NLRP9: variants seen among roughly 807,000 people sequenced by gnomAD.
NLRP9 encodes the protein NACHT, LRR and PYD domains-containing protein 9.
In NLRP9, 88 loss-of-function variants were observed where a neutral mutation model predicts 83.1. The ratio of observed to expected loss-of-function variants is 1.06; its 90% CI spans 0.89 to 1.26. The LOEUF (loss-of-function observed/expected upper bound fraction) is 1.26. NLRP9 is among the 50% of genes most tolerant of loss of function. NLRP9 has a pLI of 0.00. For synonymous variants in NLRP9, 521 were observed against 447.6 expected, an observed-to-expected ratio of 1.16 and a Z score of -2.07; for missense variants, 1,308 against 1,179.3, an observed-to-expected ratio of 1.11 and a Z score of -1.60.
chr19:55,723,699 G>C (rs1005616716), intron 4 of NLRP9, among the ~76,000 whole-genome samples: 2 of 140,546 alleles, frequency 1.4e-5, no homozygotes, highest in Admixed American at 1.5e-4. Flanking sequence ...TTGCACTCCA[G>C]CCTGGGCAAC....
intron 8 of NLRP9, chr19:55,711,421 A>G (rs1350003205): frequency 7.7e-7 from 1 of 1,295,742 alleles, no homozygotes; most frequent in Non-Finnish European, 1.0e-6. Context: ...ACCTTAGCCC[A>G]TTCCAGAAGC....
Position 55,729,819 on chromosome 19 carries a change from C to G in NLRP9, c.1994+12G>C. On this transcript the variant is annotated intron_variant, in intron 3 of 8. Transcript: ENST00000332836. The stretch of plus-strand genomic sequence containing the variant: ...GCCATTTGCTTAAAGGACAGGTTAA[C>G]ATAAAACTTACATGAGTTTTCGGAG... The G allele has an allele frequency of 3.7e-6, 6 of 1,606,876 alleles. No individual in the cohort carries two copies. Among genetic ancestry groups the G allele is most frequent in the Non-Finnish European group, 5.1e-6 (6 of 1,176,628 alleles).
intron 4 of NLRP9, among the ~76,000 whole-genome samples, chr19:55,720,709 A>G (rs1162893097): frequency 6.6e-6 from 1 of 152,228 alleles, no homozygotes; most frequent in Non-Finnish European, 1.5e-5. Context: ...CTCTTAATTC[A>G]AAGATGATAT....
At chr19:55,716,626 T>C in intron 5 of NLRP9, 102 bp downstream of exon 5, 1 of 941,096 alleles carries the variant, frequency 1.1e-6, no homozygotes, top group East Asian at 2.4e-5. Context: ...GGATTCCGCA[T>C]TCTGCTGCAC....
At chr19:55,731,082 A>C (rs1235898001) in intron 2 of NLRP9, among the ~76,000 whole-genome samples, 2 of 152,194 alleles carry the variant, frequency 1.3e-5, no homozygotes, top group African/African-American at 4.8e-5. Flanking sequence ...TTGTTCTGTG[A>C]ACAAGGGTTA....
chr19:55,727,610 GA>G (rs200401903), intron 3 of NLRP9, among the ~76,000 whole-genome samples: 1 of 151,560 alleles, frequency 6.6e-6, no homozygotes, highest in Non-Finnish European at 1.5e-5. Flanking sequence ...ACATTTTCCA[GA>G]AAAAAAACAG....
chr19:55,730,865 G>A (rs760350779), intron 2 of NLRP9, among the ~76,000 whole-genome samples: 12 of 152,014 alleles, frequency 7.9e-5, no homozygotes, highest in Non-Finnish European at 1.3e-4. Context: ...CATGACACAC[G>A]CTTACCTATG....
Position 55,733,271 on chromosome 19 carries a change from A to AC in NLRP9, c.559dup (p.Val187GlyfsTer3). 1 of 1,614,116 alleles carries AC rather than the reference A, an allele frequency of 6.2e-7. No individual in the cohort carries two copies. The highest frequency in any genetic ancestry group is 1.3e-5 in the African/African-American group (1 of 75,054). On this transcript the variant is annotated frameshift_variant, in exon 2 of 9. Transcript: ENST00000332836. LOFTEE classifies it high-confidence loss of function. Reference sequence around the variant, plus strand: ...CTCTGCGATACCGTTCATTTCACAGACATTGAGGAAAAACACAAATGTGAA... The same window carrying AC: ...CTCTGCGATACCGTTCATTTCACAGACCATTGAGGAAAAACACAAATGTGAA...
At position 55,716,867 on chromosome 19, in the gene NLRP9, A is replaced by C. The variant is rs1237731226; in HGVS notation, c.2191T>G (p.Cys731Gly). 3 of 1,613,742 alleles carry C rather than the reference A, an allele frequency of 1.9e-6. No individual in the cohort carries two copies. The Admixed American group carries it at 5.0e-5, about 27-fold the overall frequency. Residue 731 changes from cysteine to glycine, a missense_variant, in exon 5 of 9, where the codon TGT becomes GGT. Physicochemically the swap from Cys to Gly is radical, Grantham distance 159 (BLOSUM62 -3). Coordinates refer to ENST00000332836, the MANE Select transcript of NLRP9 (RefSeq NM_176820.4). ...GCCAGGACGGAGGCGATGTCTTCAC[A>C]AACTTCACTGGAGATGTCACACTTT... is the stretch of plus-strand genomic sequence containing the variant. ...LGKCDISSEV[C>G]EDIASVLACN...
At chr19:55,737,771 T>G (rs894648201) in intron 1 of NLRP9, among the ~76,000 whole-genome samples, 2 of 127,494 alleles carry the variant, frequency 1.6e-5, no homozygotes, top group African/African-American at 5.9e-5. Flanking sequence ...GATAGGCAAC[T>G]ACCATACTAG....
At chr19:55,711,564 T>C in intron 8 of NLRP9, 1 of 1,037,776 alleles carries the variant, frequency 9.6e-7, no homozygotes, top group South Asian at 1.4e-5. Context: ...CTCTTTTTGA[T>C]TGTCACAACT....
intron 4 of NLRP9, among the ~76,000 whole-genome samples, chr19:55,722,366 T>TA (rs201315440): frequency 9.3e-5 from 14 of 151,246 alleles, no homozygotes; most frequent in Admixed American, 3.3e-4. Context: ...GAGTAGAAGT[T>TA]AAAAAAAAAG....
intron 3 of NLRP9, among the ~76,000 whole-genome samples, chr19:55,729,050 C>CTTTTTTTTTTTTTTTTTTTTTTTTTTT (rs374589373): frequency 2.8e-5 from 2 of 70,200 alleles, no homozygotes; most frequent in African/African-American, 5.4e-5. Context: ...TTTTCTTTTT[C>CTTTTTTTTTTTTTTTTTTTTTTTTTTT]TTTTTTTTTT....
At chr19:55,711,688 C>A in intron 8 of NLRP9, 112 bp downstream of exon 8, 1 of 1,080,262 alleles carries the variant, frequency 9.3e-7, no homozygotes, top group South Asian at 1.4e-5. Context: ...GACAGGCCCC[C>A]ACCACAAACA....
intron 3 of NLRP9, among the ~76,000 whole-genome samples, chr19:55,728,223 G>T (rs554942203): frequency 1.3e-3 from 191 of 152,246 alleles, no homozygotes; most frequent in Non-Finnish European, 2.4e-3. Context: ...TAGAATTTAC[G>T]AACAGTGAAC....
At chr19:55,722,264 A>G (rs1988251268) in intron 4 of NLRP9, among the ~76,000 whole-genome samples, 1 of 152,240 alleles carries the variant, frequency 6.6e-6, no homozygotes, top group Non-Finnish European at 1.5e-5. Flanking sequence ...ATGTTAATGT[A>G]TAATAGATAA....
intron 4 of NLRP9, among the ~76,000 whole-genome samples, chr19:55,717,557 G>A (rs1988069349): frequency 6.6e-6 from 1 of 152,174 alleles, no homozygotes; most frequent in Non-Finnish European, 1.5e-5. Flanking sequence ...GACAGACCCT[G>A]CCACAAAGAA....
intron 8 of NLRP9, among the ~76,000 whole-genome samples, chr19:55,711,032 G>A (rs954580141): frequency 6.6e-6 from 1 of 151,348 alleles, no homozygotes; most frequent in Non-Finnish European, 1.5e-5. Flanking sequence ...GTTGAAGTGA[G>A]CTGAGACTGT....
intron 4 of NLRP9, among the ~76,000 whole-genome samples, chr19:55,721,584 T>C (rs543021189): frequency 5.3e-5 from 8 of 152,274 alleles, no homozygotes; most frequent in African/African-American, 1.9e-4. Flanking sequence ...AGTCCAGTAC[T>C]AGATAATCCT....
Sources: gnomAD v4.1 joint callset for allele counts (sites outside exome capture counted in the v4.1 genomes callset) on GRCh38, gnomAD v4.1.1 for gene constraint, MANE v1.5 for transcripts, NCBI Gene and HGNC (gene_info 2026-07-23, HGNC 2026-07-21) for gene names.